AKAP6: variants seen among roughly 807,000 people sequenced by gnomAD.
AKAP6 encodes A-kinase anchoring protein 6.
Under a neutral mutation model 188.5 loss-of-function variants are expected in AKAP6, and 58 were observed. That is an observed-to-expected ratio of 0.31 (90% CI 0.25 to 0.38). The LOEUF is 0.38. AKAP6 is among the 10% of genes least tolerant of loss of function. The probability of loss-of-function intolerance (pLI) is 1.00; values close to 1 mark genes in which losing one functional copy is unlikely to be tolerated. For missense variants in AKAP6, 2,710 were observed against 2,740.0 expected (o/e 0.99, Z 0.24); for synonymous variants, 989 against 998.6 (o/e 0.99, Z 0.18).
intron 7 of AKAP6, among the ~76,000 whole-genome samples, chr14:32,665,379 A>C (rs1344649773): frequency 6.6e-6 from 1 of 152,088 alleles, no homozygotes; most frequent in Non-Finnish European, 1.5e-5. Context: ...CAGCTCACAG[A>C]GCTCCGGGAA....
intron 7 of AKAP6, among the ~76,000 whole-genome samples, chr14:32,618,528 G>A (rs1383710194): frequency 6.6e-6 from 1 of 152,026 alleles, no homozygotes; most frequent in Admixed American, 6.6e-5. Flanking sequence ...ACATTATTTT[G>A]TTCTTTTTTA....
intron 7 of AKAP6, among the ~76,000 whole-genome samples, chr14:32,673,350 GA>G (rs556432154): frequency 1.1e-3 from 175 of 152,356 alleles, no homozygotes; most frequent in African/African-American, 3.8e-3. Context: ...TGCCTCAGGA[GA>G]AGTAACTAAG....
At chr14:32,376,833 A>T (rs1333336204) in intron 1 of AKAP6, among the ~76,000 whole-genome samples, 3 of 152,082 alleles carry the variant, frequency 2.0e-5, no homozygotes, top group African/African-American at 7.2e-5. Flanking sequence ...AGTAGCTGGG[A>T]TTACAGGTGC....
chr14:32,550,088 G>A (rs1286810269), intron 4 of AKAP6, among the ~76,000 whole-genome samples: 2 of 152,230 alleles, frequency 1.3e-5, no homozygotes, highest in African/African-American at 2.4e-5. Context: ...GTGGCCCACA[G>A]CTTGGCATAT....
intron 1 of AKAP6, among the ~76,000 whole-genome samples, chr14:32,353,296 C>T (rs1740532222): frequency 6.6e-6 from 1 of 152,214 alleles, no homozygotes; most frequent in Non-Finnish European, 1.5e-5. Flanking sequence ...GGCGCAGTGG[C>T]TCACGCCTGT....
At chr14:32,804,180 C>G (rs540211549) in intron 12 of AKAP6, among the ~76,000 whole-genome samples, 13 of 152,298 alleles carry the variant, frequency 8.5e-5, no homozygotes, top group Admixed American at 2.0e-4. Flanking sequence ...TTATCTGTGC[C>G]ACTTACCTAT....
At chr14:32,732,174 A>G (rs556647046) in intron 9 of AKAP6, among the ~76,000 whole-genome samples, 1 of 152,066 alleles carries the variant, frequency 6.6e-6, no homozygotes, top group African/African-American at 2.4e-5. Context: ...ACCAGTTACT[A>G]TCCTATTTAG....
rs139310238 is a variant in AKAP6, at chr14:32,793,318, G to A, written c.3588+19425G>A. ...AGACACACATAGGCTCAAAATAAAGGGATAGAGGAAAATTTACCAAGCAAA... is the reference window on the plus strand; with the variant it reads ...AGACACACATAGGCTCAAAATAAAGAGATAGAGGAAAATTTACCAAGCAAA... On this transcript the variant is annotated intron_variant, in intron 12 of 13. Coordinates refer to ENST00000280979, the MANE Select transcript of AKAP6 (RefSeq NM_004274.5). 9.9e-3 allele frequency among the ~76,000 whole-genome samples: 1,499 copies of A among 152,008 alleles called. 13 individuals are homozygous for A. Among genetic ancestry groups the A allele is most frequent in the Non-Finnish European group, 0.014 (973 of 67,974 alleles).
intron 4 of AKAP6, among the ~76,000 whole-genome samples, chr14:32,559,296 C>T (rs1321836587): frequency 2.0e-5 from 3 of 152,084 alleles, no homozygotes; most frequent in African/African-American, 7.2e-5. Context: ...TGTGACATGT[C>T]TTAAGGGCAG....
Position 32,546,779 on chromosome 14 carries a change from G to A in AKAP6, c.2126G>A (p.Gly709Glu). 6.2e-7 allele frequency: 1 copy of A among 1,614,050 alleles called. No individual in the cohort carries two copies. The highest frequency in any genetic ancestry group is 8.5e-7 in the Non-Finnish European group (1 of 1,180,000). Reference sequence around the variant, plus strand: ...TCTAGTGACATAGCCTCTTCACTAGGGGAGAGCATTGAATCTGGGCCCCTG... The same window carrying A: ...TCTAGTGACATAGCCTCTTCACTAGAGGAGAGCATTGAATCTGGGCCCCTG... ...SSSSDIASSL[G>E]ESIESGPLSD... The change falls in exon 4 of 14, where the codon GGG becomes GAG. Residue 709 changes from glycine (G) to glutamate (E), a missense_variant. Gly to Glu is a moderately conservative substitution (Grantham distance 98, BLOSUM62 -2). Coordinates refer to ENST00000280979, the MANE Select transcript of AKAP6 (RefSeq NM_004274.5).
intron 9 of AKAP6, among the ~76,000 whole-genome samples, chr14:32,700,299 G>C (rs1222542419): frequency 6.6e-6 from 1 of 152,164 alleles, no homozygotes; most frequent in African/African-American, 2.4e-5. Context: ...AGATCTCCTA[G>C]TGATCCGAAG....
At chr14:32,764,751 T>G (rs2032653927) in intron 11 of AKAP6, among the ~76,000 whole-genome samples, 1 of 152,032 alleles carries the variant, frequency 6.6e-6, no homozygotes, top group Non-Finnish European at 1.5e-5. Flanking sequence ...GCTGTGAGGA[T>G]TAAATGATTC....
intron 9 of AKAP6, among the ~76,000 whole-genome samples, chr14:32,714,152 C>T (rs1208171084): frequency 6.6e-6 from 1 of 151,966 alleles, no homozygotes; most frequent in Non-Finnish European, 1.5e-5. Flanking sequence ...ACAGCACTTA[C>T]GGATTAAGTT....
chr14:32,788,719 C>A (rs1178103607), intron 12 of AKAP6, among the ~76,000 whole-genome samples: 2 of 152,166 alleles, frequency 1.3e-5, no homozygotes, highest in Non-Finnish European at 2.9e-5. Context: ...AGACACAGAG[C>A]TGTGTGGCGT....
rs138858493 is a variant in AKAP6, at chr14:32,717,894, T to C, written c.3001-14560T>C. Among the ~76,000 whole-genome samples, 62 of 152,188 alleles carry C rather than the reference T, an allele frequency of 4.1e-4. 2 individuals carry two copies. In the East Asian group the frequency reaches 0.01, roughly 26 times the overall value. ...TCAACCTCAGGCTATTAAAAATCTG[T>C]TGGGTTTTTGAGGATGAGCCTACGC... On this transcript the variant is annotated intron_variant, in intron 9 of 13. Coordinates refer to ENST00000280979, the MANE Select transcript of AKAP6 (RefSeq NM_004274.5).
At chr14:32,720,265 A>G (rs573255349) in intron 9 of AKAP6, among the ~76,000 whole-genome samples, 6 of 152,344 alleles carry the variant, frequency 3.9e-5, no homozygotes, top group Admixed American at 1.3e-4. Flanking sequence ...TATTCTTCAA[A>G]TTTACAAGGC....
intron 1 of AKAP6, among the ~76,000 whole-genome samples, chr14:32,404,712 T>TATATATATA (rs1491351629): frequency 4.7e-4 from 5 of 10,528 alleles, no homozygotes; most frequent in East Asian, 9.6e-3. Flanking sequence ...ATATATATAT[T>TATATATATA]AGTCAGAATG....
chr14:32,329,707 T>C (rs903055556), intron 1 of AKAP6, among the ~76,000 whole-genome samples: 1 of 152,168 alleles, frequency 6.6e-6, no homozygotes, highest in African/African-American at 2.4e-5. Flanking sequence ...AGATAAGCTT[T>C]AAAATGAGTA....
chr14:32,346,301 G>A (rs1321134017), intron 1 of AKAP6, among the ~76,000 whole-genome samples: 1 of 152,140 alleles, frequency 6.6e-6, no homozygotes, highest in Admixed American at 6.5e-5. Context: ...AAATAAAGAT[G>A]GAGAGAAATG....
Sources: gnomAD v4.1 joint callset for allele counts (sites outside exome capture counted in the v4.1 genomes callset) on GRCh38, gnomAD v4.1.1 for gene constraint, MANE v1.5 for transcripts, NCBI Gene and HGNC (gene_info 2026-07-23, HGNC 2026-07-21) for gene names.